Variants in RIMBP2 observed in about 807,000 individuals in gnomAD.
The protein encoded by RIMBP2 is RIMS binding protein 2, also known as RIMS-binding protein 2.
In RIMBP2, 48 loss-of-function variants were observed where a neutral mutation model predicts 118.6. That is an observed-to-expected ratio of 0.40 (90% CI 0.32 to 0.51). RIMBP2 has a LOEUF of 0.51. Among genes scored for constraint, RIMBP2 ranks in the 20% least tolerant of loss-of-function variants. The pLI, the probability that RIMBP2 is intolerant of heterozygous loss-of-function variation, is 0.41. For synonymous variants in RIMBP2, 762 were observed against 742.9 expected, an observed-to-expected ratio of 1.03 and a Z score of -0.42; for missense variants, 1,551 against 1,768.3, an observed-to-expected ratio of 0.88 and a Z score of 2.20.
intron 9 of RIMBP2, among the ~76,000 whole-genome samples, chr12:130,449,833 C>T (rs139712617): frequency 6.6e-6 from 1 of 152,022 alleles, no homozygotes; most frequent in Non-Finnish European, 1.5e-5. Context: ...CACGCAGCTA[C>T]AAGCCAGGGC....
Position 130,424,429 on chromosome 12 carries a change from A to G in RIMBP2, c.2842T>C (p.Cys948Arg). The stretch of plus-strand genomic sequence containing the variant: ...GGCCTCGGGCCCCTCCTGCAGGGAC[A>G]GTGACCAGGGCCTGGGCTGCACGCG... ...VAACSPGPGHCPCRRGPRPLL... is the reference protein window; with the variant it reads ...VAACSPGPGHRPCRRGPRPLL... Residue 948 changes from cysteine (C) to arginine (R), a missense_variant, in exon 16 of 23, where the codon TGT (cysteine) becomes CGT (arginine). Cys to Arg is a radical substitution (Grantham distance 180). Around this residue, in one of 5 missense-constraint regions of RIMBP2, gnomAD observed 1,038 missense variants for 1,125.1 expected, o/e 0.92. Transcript: ENST00000690449. The surrounding 1 kb of genome is among the most constrained non-coding windows in gnomAD (Gnocchi z 9.8). 8.1e-7 allele frequency: 1 copy of G among 1,232,680 alleles called. No homozygotes were observed. Among genetic ancestry groups the G allele is most frequent in the Non-Finnish European group, 1.0e-6 (1 of 988,184 alleles). 76.4% of individuals were successfully genotyped at this position (1,232,680 alleles called of 1,614,324 possible).
rs1193636383 is a variant in RIMBP2, at chr12:130,617,491, A to C, written c.-217+10831T>G. ...GTGGCCCCACAGGCCTAGGCCAGCT[A>C]CAGCTCCAGGCAGAAACGACAAGCA... On this transcript the variant is annotated intron_variant, in intron 2 of 22. Transcript: ENST00000690449. This position sits in a 1 kb window ranked among gnomAD's most constrained non-coding sequence, Gnocchi z 4.6. Among the ~76,000 whole-genome samples the C allele has an allele frequency of 6.6e-6, 1 of 152,232 alleles. No individual in the cohort carries two copies. The highest frequency in any genetic ancestry group is 1.5e-5 in the Non-Finnish European group (1 of 68,036).
At chr12:130,500,867 T>C (rs1399241818) in intron 4 of RIMBP2, among the ~76,000 whole-genome samples, 1 of 149,994 alleles carries the variant, frequency 6.7e-6, no homozygotes, top group African/African-American at 2.5e-5. Context: ...CTGAGCTTCA[T>C]GCTTTAACCC....
At chr12:130,615,263 C>T (rs57479670) in intron 2 of RIMBP2, among the ~76,000 whole-genome samples, 3 of 23,426 alleles carry the variant, frequency 1.3e-4, no homozygotes, top group Admixed American at 4.7e-4. Flanking sequence ...TGTATATATA[C>T]ATAATACACA....
At chr12:130,637,323 C>A (rs1182776297) in intron 1 of RIMBP2, among the ~76,000 whole-genome samples, 1 of 152,208 alleles carries the variant, frequency 6.6e-6, no homozygotes, top group Non-Finnish European at 1.5e-5. Flanking sequence ...GGTCTCACAG[C>A]CCATGGGGCC....
intron 6 of RIMBP2, among the ~76,000 whole-genome samples, chr12:130,461,118 T>C (rs1277688664): frequency 1.3e-5 from 2 of 152,158 alleles, no homozygotes; most frequent in African/African-American, 2.4e-5. Flanking sequence ...AGGGGTCACA[T>C]TTCCACATGA....
chr12:130,401,640 A>G (rs566260297), intron 21 of RIMBP2, among the ~76,000 whole-genome samples: 13 of 151,866 alleles, frequency 8.6e-5, no homozygotes, highest in African/African-American at 3.1e-4. Flanking sequence ...TTCTCTGTTG[A>G]CATTACAGAC....
At chr12:130,448,983 C>T (rs1311653281) in intron 9 of RIMBP2, among the ~76,000 whole-genome samples, 2 of 152,228 alleles carry the variant, frequency 1.3e-5, no homozygotes, top group Non-Finnish European at 2.9e-5. Context: ...TCAAGAGTCA[C>T]CTCCTTTGCA....
chr12:130,452,447 G>A (rs2079079549), intron 7 of RIMBP2, among the ~76,000 whole-genome samples: 1 of 152,232 alleles, frequency 6.6e-6, no homozygotes, highest in Admixed American at 6.5e-5. Context: ...CTGGAGGGCA[G>A]GACCTTGTTG....
chr12:130,414,328 G>A (rs2075966924), intron 17 of RIMBP2, 22 bp from the exon 18 acceptor site: 3 of 1,561,012 alleles, frequency 1.9e-6, no homozygotes, highest in Non-Finnish European at 2.6e-6. Flanking sequence ...TGGGGGTGAA[G>A]AACAGAGCGG....
At chr12:130,515,864 A>AT (rs2051401272) in intron 3 of RIMBP2, among the ~76,000 whole-genome samples, 1 of 151,400 alleles carries the variant, frequency 6.6e-6, no homozygotes, top group Non-Finnish European at 1.5e-5. Flanking sequence ...CACCTAGCTA[A>AT]TTTTTGTATT....
intron 6 of RIMBP2, among the ~76,000 whole-genome samples, chr12:130,461,659 C>T (rs771709403): frequency 2.6e-5 from 4 of 152,090 alleles, no homozygotes; most frequent in African/African-American, 4.8e-5. Context: ...AATAGCTTGG[C>T]GCTGTCCTTG....
chr12:130,530,270 G>C (rs1416521668), intron 2 of RIMBP2, among the ~76,000 whole-genome samples: 2 of 152,046 alleles, frequency 1.3e-5, no homozygotes, highest in Admixed American at 1.3e-4. Flanking sequence ...CTTCCCTAGG[G>C]ATTTGCAAGG....
At chr12:130,627,205 T>C (rs2061696667) in intron 2 of RIMBP2, among the ~76,000 whole-genome samples, 1 of 152,212 alleles carries the variant, frequency 6.6e-6, no homozygotes, top group African/African-American at 2.4e-5. Context: ...AATCTGAGAC[T>C]CAGACTCATT....
At chr12:130,705,379 G>A (rs1040463193) in intron 1 of RIMBP2, among the ~76,000 whole-genome samples, 10 of 152,152 alleles carry the variant, frequency 6.6e-5, no homozygotes, top group Non-Finnish European at 8.8e-5. Context: ...CCGCACCACC[G>A]CCCTGTGCTT....
intron 9 of RIMBP2, among the ~76,000 whole-genome samples, chr12:130,448,892 C>G (rs911740115): frequency 5.9e-5 from 9 of 152,260 alleles, no homozygotes. Context: ...GGAATGTGAT[C>G]CGCTGATCCT....
At chr12:130,684,279 T>C (rs1007904833) in intron 1 of RIMBP2, among the ~76,000 whole-genome samples, 6 of 152,166 alleles carry the variant, frequency 3.9e-5, no homozygotes, top group African/African-American at 1.4e-4. Context: ...CAAATCAACG[T>C]ACATCTTAAA....
In RIMBP2 at chr12:130,698,813, A is replaced by G. The variant is rs201471877; in HGVS notation, c.-352+17409T>C. Among the ~76,000 whole-genome samples the G allele has an allele frequency of 7.2e-4, 110 of 151,980 alleles. No homozygotes were observed. The East Asian group carries it at 0.018, about 25-fold the overall frequency. On this transcript the variant is annotated intron_variant, in intron 1 of 22. Transcript: ENST00000690449. ...CAGGCAACCTATAGAATGGGAGAAAATTTTTGCAACCTACTCATCTGACAA... is the reference window on the plus strand; with the variant it reads ...CAGGCAACCTATAGAATGGGAGAAAGTTTTTGCAACCTACTCATCTGACAA...
chr12:130,587,038 CA>C (rs1293626332), intron 2 of RIMBP2, among the ~76,000 whole-genome samples: 1 of 117,818 alleles, frequency 8.5e-6, no homozygotes, highest in Non-Finnish European at 1.7e-5. Flanking sequence ...AGACACTTCT[CA>C]AAAGAAGACA....
Sources: allele counts gnomAD v4.1 joint callset (sites outside exome capture counted in the v4.1 genomes callset), GRCh38; gene constraint gnomAD v4.1.1; regional missense constraint gnomAD v4.1.1; non-coding constraint Gnocchi (gnomAD v3.1); transcripts MANE v1.5; gene names NCBI Gene and HGNC (gene_info 2026-07-23, HGNC 2026-07-21).